Variants in PLEKHG1 observed in about 807,000 individuals in gnomAD.
The protein encoded by PLEKHG1 is pleckstrin homology and RhoGEF domain containing G1.
A neutral mutation model predicts 100.8 loss-of-function variants in PLEKHG1; 44 were observed. That is an observed-to-expected ratio of 0.44 (90% CI 0.34 to 0.56). PLEKHG1 has a LOEUF of 0.56. Ranked by LOEUF, PLEKHG1 falls within the 20% of genes least tolerant of loss-of-function variation. The probability of loss-of-function intolerance (pLI) is 0.01; values close to 1 mark genes in which losing one functional copy is unlikely to be tolerated. For synonymous variants in PLEKHG1, 640 were observed against 662.5 expected (o/e 0.97, Z 0.52); for missense variants, 1,545 against 1,720.9 (o/e 0.90, Z 1.81).
chr6:150,704,909 G>C (rs1420122905), intron 3 of PLEKHG1, among the ~76,000 whole-genome samples: 1 of 152,230 alleles, frequency 6.6e-6, no homozygotes, highest in Non-Finnish European at 1.5e-5. Flanking sequence ...TAGAGAGAGA[G>C]CAAGATCTCT....
At chr6:150,719,475 A>G (rs1020340218), upstream of PLEKHG1, among the ~76,000 whole-genome samples, 2 of 152,188 alleles carry the variant, frequency 1.3e-5, no homozygotes, top group Non-Finnish European at 2.9e-5. Context: ...TGGTATAGGA[A>G]GGTTCCCTGC....
At chr6:150,674,652 T>C (rs942499357) in intron 3 of PLEKHG1, among the ~76,000 whole-genome samples, 498 of 134,794 alleles carry the variant, frequency 3.7e-3, no homozygotes, top group South Asian at 6.9e-3. Context: ...TCTCTCTCTC[T>C]CTCTCTCTCT....
chr6:150,813,036 T>C (rs1267947480), intron 10 of PLEKHG1, among the ~76,000 whole-genome samples: 6 of 152,072 alleles, frequency 3.9e-5, no homozygotes, highest in Non-Finnish European at 8.8e-5. Context: ...CCGGGCGCGG[T>C]GGCTCACACC....
intron 4 of PLEKHG1, among the ~76,000 whole-genome samples, chr6:150,788,409 G>A (rs1027428937): frequency 1.4e-4 from 21 of 152,192 alleles, no homozygotes; most frequent in African/African-American, 5.1e-4. Flanking sequence ...GTTGACTTCT[G>A]CTTTTATCTG....
chr6:150,821,827 CTT>C (rs1478831830), intron 13 of PLEKHG1, among the ~76,000 whole-genome samples: 8 of 79,134 alleles, frequency 1.0e-4, no homozygotes, highest in East Asian at 3.8e-4. Context: ...ACAGAGGACT[CTT>C]TTATTTTTTT....
intron 3 of PLEKHG1, among the ~76,000 whole-genome samples, chr6:150,692,769 A>G (rs955772604): frequency 6.6e-6 from 1 of 152,248 alleles, no homozygotes; most frequent in Admixed American, 6.5e-5. Flanking sequence ...CTTTTGTCAC[A>G]CTTTCAGTCT....
intron 2 of PLEKHG1, among the ~76,000 whole-genome samples, chr6:150,747,896 CAAAA>C (rs753243349): frequency 8.2e-6 from 1 of 122,552 alleles, no homozygotes; most frequent in Admixed American, 8.3e-5. Context: ...AACTCCGTCT[CAAAA>C]AAAAAAAAAA....
At chr6:150,760,885 C>A (rs370616883) in intron 2 of PLEKHG1, among the ~76,000 whole-genome samples, 5 of 151,794 alleles carry the variant, frequency 3.3e-5, no homozygotes, top group African/African-American at 9.7e-5. Context: ...TTTTCTGCTA[C>A]GTTATTATTG....
chr6:150,811,588 T>G, intron 10 of PLEKHG1, among the ~76,000 whole-genome samples: 1 of 149,756 alleles, frequency 6.7e-6, no homozygotes. Flanking sequence ...ATATTTTTAT[T>G]AAGTGGGAAA....
At chr6:150,719,249 A>T (rs1222449874), upstream of PLEKHG1, among the ~76,000 whole-genome samples, 1 of 152,048 alleles carries the variant, frequency 6.6e-6, no homozygotes, top group Non-Finnish European at 1.5e-5. Flanking sequence ...ACATACATGG[A>T]ATCTCTCAGA....
At chr6:150,719,804 C>A (rs1781594806), upstream of PLEKHG1, among the ~76,000 whole-genome samples, 1 of 152,198 alleles carries the variant, frequency 6.6e-6, no homozygotes, top group Non-Finnish European at 1.5e-5. Flanking sequence ...AAACTGCCTT[C>A]TCAGCATGCT....
At chr6:150,682,192 T>C (rs1357485240) in intron 3 of PLEKHG1, among the ~76,000 whole-genome samples, 2 of 151,918 alleles carry the variant, frequency 1.3e-5, no homozygotes, top group Non-Finnish European at 2.9e-5. Flanking sequence ...CCAGCGACAC[T>C]CCAGAAAGAG....
rs79430799 is a variant in PLEKHG1 at position 150,617,655 on chromosome 6, G to A, written c.-204+17638G>A. Among the ~76,000 whole-genome samples, 757 of 152,318 alleles carry A rather than the reference G, an allele frequency of 5.0e-3. 7 individuals are homozygous for A. The highest frequency in any genetic ancestry group is 0.018 in the African/African-American group (728 of 41,566). On this transcript the variant is annotated intron_variant, in intron 1 of 3. Transcript: ENST00000367326. Reference sequence around the variant, plus strand: ...CTCTTTCCGGCTGCCGAAGAAAGTTGAGAACAGTGATCCTGATGGTGAGCG... The same window carrying A: ...CTCTTTCCGGCTGCCGAAGAAAGTTAAGAACAGTGATCCTGATGGTGAGCG...
chr6:150,751,987 G>A (rs1271001483), intron 2 of PLEKHG1, among the ~76,000 whole-genome samples: 4 of 152,072 alleles, frequency 2.6e-5, no homozygotes, highest in African/African-American at 7.2e-5. Flanking sequence ...TCAGGAGTTC[G>A]AGACTAGCCC....
intron 3 of PLEKHG1, among the ~76,000 whole-genome samples, chr6:150,710,400 C>T (rs2279629): frequency 0.34 from 52,086 of 151,886 alleles, 9,565 homozygotes; most frequent in Non-Finnish European, 0.41. Context: ...ATGGAAATGC[C>T]GGGCAGGGAA....
intron 10 of PLEKHG1, among the ~76,000 whole-genome samples, chr6:150,810,295 G>T (rs1787415233): frequency 6.7e-6 from 1 of 148,360 alleles, no homozygotes; most frequent in African/African-American, 2.5e-5. Context: ...GTCCAGACAG[G>T]GTCTCACTCT....
chr6:150,625,204 G>C (rs1777461430), intron 1 of PLEKHG1, among the ~76,000 whole-genome samples: 1 of 152,070 alleles, frequency 6.6e-6, no homozygotes, highest in South Asian at 2.1e-4. Context: ...ATATTTATTT[G>C]CTAGGTCTAC....
At chr6:150,606,913 A>C (rs1421204657) in intron 1 of PLEKHG1, among the ~76,000 whole-genome samples, 1 of 152,076 alleles carries the variant, frequency 6.6e-6, no homozygotes, top group Non-Finnish European at 1.5e-5. Flanking sequence ...CAACTCTGCT[A>C]GGGAAGCCAG....
Position 150,725,203 on chromosome 6 carries a change from A to C in PLEKHG1, c.-99+4003A>C, listed in dbSNP as rs115795080. Among the ~76,000 whole-genome samples the C allele has an allele frequency of 6.7e-3, 1,022 of 152,272 alleles. 16 individuals carry two copies. The highest frequency in any genetic ancestry group is 0.023 in the African/African-American group (959 of 41,556). On this transcript the variant is annotated intron_variant, in intron 1 of 15. Transcript: ENST00000358517. ...TGTATCCTCACATGGCAGAAGGAGC[A>C]AACAAGCTCCCTCTGTCCTCTTTTA...
Sources: gnomAD v4.1 joint callset for allele counts (sites outside exome capture counted in the v4.1 genomes callset) on GRCh38, gnomAD v4.1.1 for gene constraint, MANE v1.5 for transcripts, NCBI Gene and HGNC (gene_info 2026-07-23, HGNC 2026-07-21) for gene names.